The following SSBP4 variants were observed in gnomAD, a reference collection of about 807,000 sequenced individuals.
The protein encoded by SSBP4 is single stranded DNA binding protein 4.
In SSBP4, 33 loss-of-function variants were observed where a neutral mutation model predicts 64.6. That is an observed-to-expected ratio of 0.51 (90% CI 0.39 to 0.68). The LOEUF is 0.68. Among genes scored for constraint, SSBP4 ranks in the 30% least tolerant of loss-of-function variants. The probability of loss-of-function intolerance (pLI) is 0.00; values close to 1 mark genes in which losing one functional copy is unlikely to be tolerated. For missense variants in SSBP4, 583 were observed against 566.8 expected (o/e 1.03, Z -0.29); for synonymous variants, 243 against 224.0 (o/e 1.08, Z -0.76).
At chr19:18,404,821 G>A in the SSBP4 span, among the ~76,000 whole-genome samples, 22 of 147,688 alleles carry the variant, frequency 1.5e-4, no homozygotes, top group Middle Eastern at 3.6e-3. Context: ...GAACCTGGGA[G>A]GCAGAGCTTG....
chr19:18,403,668 GGTCTGGGGATCCAGAA>G, the SSBP4 span, among the ~76,000 whole-genome samples: 1 of 150,896 alleles, frequency 6.6e-6, no homozygotes, highest in African/African-American at 2.4e-5. Flanking sequence ...AGGGTCCTGG[GGTCTGGGGATCCAGAA>G]GTCTGGGGGT....
rs746350074 is a variant in SSBP4, at chr19:18,432,229, G to A, written c.704+15G>A. The stretch of plus-strand genomic sequence containing the variant: ...GCCATGAACATGTAAGACCCTGGGG[G>A]ATCCTAGGAGTGTGCAGTTCGCAGG... On this transcript the variant is annotated intron_variant, in intron 10 of 17. Transcript: ENST00000270061. The A allele has an allele frequency of 5.0e-6, 8 of 1,612,202 alleles. No individual in the cohort carries two copies. The highest frequency in any genetic ancestry group is 2.2e-5 in the East Asian group (1 of 44,872).
intron 17 of SSBP4, 166 bp from the exon 18 acceptor site, chr19:18,434,051 A>G (rs914727939): frequency 1.9e-4 from 190 of 977,622 alleles, no homozygotes; most frequent in Non-Finnish European, 2.0e-4. Flanking sequence ...CCCGCGCCCC[A>G]GGGCGGCCTT....
chr19:18,415,656 T>C (rs910898376), upstream of SSBP4, among the ~76,000 whole-genome samples: 6 of 152,088 alleles, frequency 3.9e-5, no homozygotes, highest in Non-Finnish European at 8.8e-5. Flanking sequence ...GGAGGAACCC[T>C]TGGCCAAAGG....
At position 18,432,566 on chromosome 19, in the gene SSBP4, G is replaced by A; in HGVS notation, c.712G>A (p.Gly238Arg). Residue 238 changes from glycine to arginine, a missense_variant, in exon 11 of 18, where the codon GGA (glycine) becomes AGA (arginine). By Grantham distance (125) the Gly-to-Arg change is moderately radical. This residue lies in a region of SSBP4 where 444 missense variants were observed against 386.6 expected (regional missense o/e 1.15). Coordinates refer to ENST00000270061, the MANE Select transcript of SSBP4 (RefSeq NM_032627.5). ...PGLPAMNMGP[G>R]VRGPWASPSG... ...ATCCGCGGTCTCTTCCAGGGGCCCA[G>A]GAGTTCGTGGCCCGTGGGCCAGCCC... 1 of 1,576,224 alleles carries A rather than the reference G, an allele frequency of 6.3e-7. No homozygotes were observed. The highest frequency in any genetic ancestry group is 1.4e-5 in the African/African-American group (1 of 73,940).
rs760795636 is a variant in SSBP4 at position 18,432,863 on chromosome 19, C to CCA, written c.822_823dup (p.Ile275ThrfsTer20). On this transcript the variant is annotated frameshift_variant, in exon 13 of 18. Transcript: ENST00000270061. LOFTEE classifies it high-confidence loss of function. ...GGAGGAGGTGGGCCCCCTGGAACAC[C>CCA]CATCATGCCTAGCCCTGGAGGTATG... is the stretch of plus-strand genomic sequence containing the variant. The CCA allele has an allele frequency of 6.2e-7, 1 of 1,614,002 alleles. No individual in the cohort carries two copies.
At chr19:18,409,963 C>A in the SSBP4 span, among the ~76,000 whole-genome samples, 152 of 152,286 alleles carry the variant, frequency 1.0e-3, no homozygotes, top group Non-Finnish European at 1.7e-3. Context: ...GCCTGAGTAG[C>A]TGGAAATACA....
Position 18,430,852 on chromosome 19 carries a change from C to A in SSBP4, c.291C>A (p.Ala97=). 6.2e-7 allele frequency: 1 copy of A among 1,612,888 alleles called. No individual in the cohort carries two copies. The highest frequency in any genetic ancestry group is 8.5e-7 in the Non-Finnish European group (1 of 1,179,584). ...AKAFQDYSAA[A]APSPVMGSMA... ...CCGCACCCTTACAGAGTGCTGCAGC[C>A]GCCCCCAGCCCCGTTATGGGGAGTA... The change falls in exon 5 of 18, where the codon GCC becomes GCA. Residue 97 remains alanine (A), a synonymous_variant. Transcript: ENST00000270061.
At chr19:18,413,131 G>A in the SSBP4 span, among the ~76,000 whole-genome samples, 2 of 145,470 alleles carry the variant, frequency 1.4e-5, no homozygotes, top group African/African-American at 5.1e-5. Context: ...GAGGAGCGTG[G>A]GGTGTTTTGG....
At chr19:18,428,394 C>T (rs753612153) in intron 4 of SSBP4, among the ~76,000 whole-genome samples, 66 of 152,158 alleles carry the variant, frequency 4.3e-4, no homozygotes, top group African/African-American at 1.2e-3. Context: ...GAGCACAGGT[C>T]GGGGTGCCTG....
At chr19:18,424,559 G>C (rs1175072619) in intron 1 of SSBP4, among the ~76,000 whole-genome samples, 2 of 151,838 alleles carry the variant, frequency 1.3e-5, no homozygotes, top group Non-Finnish European at 2.9e-5. Flanking sequence ...GCCAGTGTGT[G>C]GGTCGGGGCG....
the SSBP4 span, among the ~76,000 whole-genome samples, chr19:18,410,288 G>T: frequency 6.6e-6 from 1 of 151,862 alleles, no homozygotes; most frequent in Non-Finnish European, 1.5e-5. Context: ...GAGCCACCCC[G>T]CCCGGCCTAA....
chr19:18,419,827 CGAGG>C (rs1198339799), intron 1 of SSBP4, 120 bp downstream of exon 1: 1 of 657,282 alleles, frequency 1.5e-6, no homozygotes, highest in Non-Finnish European at 2.0e-6. Context: ...TGAGCGCGCT[CGAGG>C]GGTCGCGAGA....
At chr19:18,425,397 ACT>A (rs1436890357) in intron 1 of SSBP4, among the ~76,000 whole-genome samples, 1 of 151,692 alleles carries the variant, frequency 6.6e-6, no homozygotes, top group Non-Finnish European at 1.5e-5. Flanking sequence ...TGGGGTGGGA[ACT>A]CTCTTCCACA....
the SSBP4 span, among the ~76,000 whole-genome samples, chr19:18,405,441 G>A: frequency 2.7e-5 from 4 of 147,056 alleles, no homozygotes; most frequent in Middle Eastern, 3.5e-3. Flanking sequence ...TGGGAGGATC[G>A]CTTGAGCCCA....
At chr19:18,431,321 T>TC (rs750453433) in intron 5 of SSBP4, 32 bp from the exon 6 acceptor site, 26 of 369,138 alleles carry the variant, frequency 7.0e-5, no homozygotes, top group South Asian at 1.3e-4. Context: ...AGGGCCTCAC[T>TC]CCCCCCCACC....
At chr19:18,407,117 G>C in the SSBP4 span, among the ~76,000 whole-genome samples, 1 of 151,754 alleles carries the variant, frequency 6.6e-6, no homozygotes, top group African/African-American at 2.4e-5. Context: ...GGCTCACTGC[G>C]ACCTCTGCCT....
chr19:18,413,196 G>A, the SSBP4 span, among the ~76,000 whole-genome samples: 1 of 146,194 alleles, frequency 6.8e-6, no homozygotes, highest in African/African-American at 2.5e-5. Flanking sequence ...TTGTGGACGT[G>A]GGGGAGGGAC....
At chr19:18,414,640 G>C (rs1480576721), upstream of SSBP4, among the ~76,000 whole-genome samples, 3 of 152,226 alleles carry the variant, frequency 2.0e-5, no homozygotes, top group Admixed American at 6.5e-5. Flanking sequence ...GCCGGTGAAA[G>C]CCACACAAGG....
Sources: gnomAD v4.1 joint callset for allele counts (sites outside exome capture counted in the v4.1 genomes callset) on GRCh38, gnomAD v4.1.1 for gene constraint, gnomAD v4.1.1 regional missense constraint, MANE v1.5 for transcripts, NCBI Gene and HGNC (gene_info 2026-07-23, HGNC 2026-07-21) for gene names.